MYO10: variants seen among roughly 807,000 people sequenced by gnomAD.
The protein encoded by MYO10 is myosin X, also known as unconventional myosin-X.
Under a neutral mutation model 257.3 loss-of-function variants are expected in MYO10, and 133 were observed. The ratio of observed to expected loss-of-function variants is 0.52; its 90% CI spans 0.45 to 0.60. MYO10 has a LOEUF of 0.60. MYO10 is among the 20% of genes least tolerant of loss of function. The pLI, the probability that MYO10 is intolerant of heterozygous loss-of-function variation, is 0.00. For missense variants in MYO10, 2,399 were observed against 2,635.7 expected (o/e 0.91, Z 1.97); for synonymous variants, 1,104 against 1,028.6 (o/e 1.07, Z -1.40).
chr5:16,856,417 G>A (rs1032651726), intron 2 of MYO10, among the ~76,000 whole-genome samples: 2 of 152,030 alleles, frequency 1.3e-5, no homozygotes, highest in Non-Finnish European at 2.9e-5. Flanking sequence ...GGGCGTGGTG[G>A]TGTACACCTG....
At chr5:16,720,707 C>T (rs1739122090) in intron 19 of MYO10, among the ~76,000 whole-genome samples, 1 of 152,214 alleles carries the variant, frequency 6.6e-6, no homozygotes. Flanking sequence ...ATCCACCCGC[C>T]TTGGCCTCCC....
chr5:16,662,298 G>A lies in MYO10; in HGVS notation c.*4394C>T, dbSNP rs1033003159. 8.9e-6 allele frequency: 1 copy of A among 112,634 alleles called. No homozygotes were observed. The highest frequency in any genetic ancestry group is 3.2e-5 in the African/African-American group (1 of 31,096). 7.0% of individuals were successfully genotyped at this position (112,634 alleles called of 1,614,324 possible). On this transcript the variant is annotated 3_prime_UTR_variant, in exon 41 of 41. Coordinates refer to ENST00000513610, the MANE Select transcript of MYO10 (RefSeq NM_012334.3). ...AGGCTTAGTAACTAAAAAAAGTGCTGTCTTAGATTTCTGAACTATTTTTTT... is the reference window on the plus strand; with the variant it reads ...AGGCTTAGTAACTAAAAAAAGTGCTATCTTAGATTTCTGAACTATTTTTTT...
chr5:16,749,585 C>G (rs769200860), intron 19 of MYO10, among the ~76,000 whole-genome samples: 1 of 152,138 alleles, frequency 6.6e-6, no homozygotes, highest in African/African-American at 2.4e-5. Flanking sequence ...GGTGATTAGG[C>G]CCCTGCCTTT....
In MYO10 at chr5:16,783,370, C is replaced by G. The variant is rs560083994; in HGVS notation, c.567G>C (p.Lys189Asn). 9.4e-6 allele frequency: 15 copies of G among 1,600,238 alleles called. No homozygotes were observed. Among genetic ancestry groups the G allele is most frequent in the African/African-American group, 9.4e-5 (7 of 74,808 alleles). Residue 189 changes from lysine (K) to asparagine (N), a missense_variant, in exon 5 of 41, where the codon AAG (lysine) becomes AAC (asparagine). Transcript: ENST00000513610. ...GAATAGCTCGTTCAACACAGGATGTCTTCTCCTTTAAGGACAATTCCAAAG... is the reference window on the plus strand; with the variant it reads ...GAATAGCTCGTTCAACACAGGATGTGTTCTCCTTTAAGGACAATTCCAAAG... ...QQSLELSLKE[K>N]TSCVERAILE...
chr5:16,781,538 A>G (rs1465466598), intron 6 of MYO10, among the ~76,000 whole-genome samples, 167 bp downstream of exon 6: 1 of 152,164 alleles, frequency 6.6e-6, no homozygotes, highest in Non-Finnish European at 1.5e-5. Flanking sequence ...CATCTCATAG[A>G]AAAAATTAAC....
At chr5:16,714,660 A>C (rs1206487154) in intron 19 of MYO10, among the ~76,000 whole-genome samples, 1 of 152,216 alleles carries the variant, frequency 6.6e-6, no homozygotes, top group Non-Finnish European at 1.5e-5. Context: ...TCTACTAAAA[A>C]TACAAAAACA....
chr5:16,760,582 T>G (rs970476461), intron 17 of MYO10, among the ~76,000 whole-genome samples: 2 of 152,310 alleles, frequency 1.3e-5, no homozygotes, highest in East Asian at 3.9e-4. Context: ...TGTAAATTTA[T>G]AATTCATGAA....
chr5:16,921,330 C>A (rs1249995001), intron 1 of MYO10, among the ~76,000 whole-genome samples: 1 of 151,974 alleles, frequency 6.6e-6, no homozygotes, highest in Non-Finnish European at 1.5e-5. Flanking sequence ...CTCTAACACT[C>A]TAGGGAAAGG....
intron 2 of MYO10, among the ~76,000 whole-genome samples, chr5:16,821,300 T>C (rs1742801602): frequency 6.7e-6 from 1 of 149,878 alleles, no homozygotes; most frequent in African/African-American, 2.4e-5. Context: ...TTCATTGTCT[T>C]TTTTGATGCA....
At chr5:16,680,136 G>A (rs190375045) in intron 32 of MYO10, 32 bp from the exon 33 acceptor site, 27 of 1,593,148 alleles carry the variant, frequency 1.7e-5, no homozygotes, top group African/African-American at 1.5e-4. Context: ...GCACACGCAC[G>A]TCAACGCCAA....
rs907400094 is a variant in MYO10, at chr5:16,731,044, C to CTT, written c.1930-19801_1930-19800dup. Among the ~76,000 whole-genome samples, 356 of 136,920 alleles carry CTT rather than the reference C, an allele frequency of 2.6e-3. 2 individuals are homozygous for CTT. Among genetic ancestry groups the CTT allele is most frequent in the African/African-American group, 8.6e-3 (315 of 36,830 alleles). 89.8% of individuals were successfully genotyped at this position (136,920 alleles called of 152,430 possible). A position where few individuals can be genotyped will look rare whatever the true frequency, so the allele number is the denominator to read the frequency against. On this transcript the variant is annotated intron_variant, in intron 19 of 40. Coordinates refer to ENST00000513610, the MANE Select transcript of MYO10 (RefSeq NM_012334.3). ...ATGTACTAGCATTGATCAAAACACACTTTTTTTTTTTTTTTTTTGGAGACT... is the reference window on the plus strand; with the variant it reads ...ATGTACTAGCATTGATCAAAACACACTTTTTTTTTTTTTTTTTTTTGGAGACT...
chr5:16,904,226 C>A (rs1580135106), intron 1 of MYO10, among the ~76,000 whole-genome samples: 1 of 152,092 alleles, frequency 6.6e-6, no homozygotes, highest in East Asian at 1.9e-4. Context: ...AGGGAGAGCA[C>A]AGAAGCTCCC....
chr5:16,847,046 A>G (rs1196443789), intron 2 of MYO10, among the ~76,000 whole-genome samples: 1 of 152,190 alleles, frequency 6.6e-6, no homozygotes, highest in Non-Finnish European at 1.5e-5. Flanking sequence ...TGAACCCAGA[A>G]GACAGAGATT....
intron 2 of MYO10, among the ~76,000 whole-genome samples, chr5:16,860,589 T>C (rs188556468): frequency 6.6e-6 from 1 of 152,166 alleles, no homozygotes; most frequent in African/African-American, 2.4e-5. Context: ...TCCGTTAGTA[T>C]CTGGGACACT....
chr5:16,899,635 A>AC (rs1184076147), intron 1 of MYO10, among the ~76,000 whole-genome samples: 2 of 151,202 alleles, frequency 1.3e-5, no homozygotes, highest in South Asian at 2.1e-4. Context: ...TTTCAAAAAA[A>AC]AAAAAAACAA....
chr5:16,801,248 C>G (rs1742111512), intron 3 of MYO10, among the ~76,000 whole-genome samples: 1 of 152,302 alleles, frequency 6.6e-6, no homozygotes, highest in South Asian at 2.1e-4. Context: ...CGCTCCGTTG[C>G]CCAGGCTGCC....
intron 4 of MYO10, among the ~76,000 whole-genome samples, chr5:16,788,697 G>T (rs944633597): frequency 6.6e-6 from 1 of 152,076 alleles, no homozygotes; most frequent in Admixed American, 6.6e-5. Flanking sequence ...GCAGGTGGGT[G>T]AGAAGACAGC....
At chr5:16,789,072 C>T (rs992996889) in intron 4 of MYO10, among the ~76,000 whole-genome samples, 8 of 152,162 alleles carry the variant, frequency 5.3e-5, no homozygotes, top group African/African-American at 1.9e-4. Context: ...CAGCAGCACA[C>T]ATCAAGGCTG....
intron 1 of MYO10, among the ~76,000 whole-genome samples, chr5:16,893,633 C>CAA (rs58021066): frequency 0.036 from 2,029 of 57,124 alleles, 43 homozygotes; most frequent in Non-Finnish European, 0.058. Flanking sequence ...GACTCTGTCT[C>CAA]AAAAAAAAAA....
Sources: gnomAD v4.1 joint callset for allele counts (sites outside exome capture counted in the v4.1 genomes callset) on GRCh38, gnomAD v4.1.1 for gene constraint, MANE v1.5 for transcripts, NCBI Gene and HGNC (gene_info 2026-07-23, HGNC 2026-07-21) for gene names.